The following TLL2 variants were observed in gnomAD, a reference collection of about 807,000 sequenced individuals.
The protein encoded by TLL2 is tolloid like 2, also known as tolloid-like protein 2.
In TLL2, 106 loss-of-function variants were observed where a neutral mutation model predicts 123.0. The ratio of observed to expected loss-of-function variants is 0.86; its 90% CI spans 0.74 to 1.01. The LOEUF is 1.01. Among genes scored for constraint, TLL2 ranks in the 50% least tolerant of loss-of-function variants. TLL2 has a pLI of 0.00. For synonymous variants in TLL2, 494 were observed against 516.8 expected (o/e 0.96, Z 0.60); for missense variants, 1,332 against 1,336.7 (o/e 1.00, Z 0.06).
In TLL2 at chr10:96,428,690, C is replaced by T; in HGVS notation, c.579G>A (p.Val193=). 1 of 1,614,090 alleles carries T rather than the reference C, an allele frequency of 6.2e-7. No individual in the cohort carries two copies. The highest frequency in any genetic ancestry group is 8.5e-7 in the Non-Finnish European group (1 of 1,179,972). The change falls in exon 5 of 21, where the codon GTG becomes GTA. Residue 193 remains valine (V), a synonymous_variant. Coordinates refer to ENST00000357947, the MANE Select transcript of TLL2 (RefSeq NM_012465.4). The stretch of plus-strand genomic sequence containing the variant: ...CCTCATCCGTCCTTTCTATGAAGGT[C>T]ACACAGGTGTGCTTCTCCCAGTGTC... The part of the protein sequence containing the change: ...AMRHWEKHTC[V]TFIERTDEES...
At chr10:96,371,950 C>T (rs1322733662) in intron 19 of TLL2, among the ~76,000 whole-genome samples, 2 of 152,222 alleles carry the variant, frequency 1.3e-5, no homozygotes, top group African/African-American at 4.8e-5. Flanking sequence ...CTCCTCTCAT[C>T]CTCTGGGCCT....
At chr10:96,454,061 C>A (rs1053954606) in intron 2 of TLL2, among the ~76,000 whole-genome samples, 11 of 151,958 alleles carry the variant, frequency 7.2e-5, no homozygotes, top group Non-Finnish European at 1.6e-4. Context: ...GTCAGGGAAA[C>A]CTTTTTCTGA....
At chr10:96,494,362 C>G (rs1191458546) in intron 1 of TLL2, among the ~76,000 whole-genome samples, 1 of 152,250 alleles carries the variant, frequency 6.6e-6, no homozygotes, top group African/African-American at 2.4e-5. Flanking sequence ...AGACTCTGTT[C>G]CCTGGCTCTC....
intron 4 of TLL2, among the ~76,000 whole-genome samples, chr10:96,429,976 G>A (rs1365720345): frequency 6.6e-6 from 1 of 152,174 alleles, no homozygotes; most frequent in Non-Finnish European, 1.5e-5. Context: ...GAAGGATCTA[G>A]GAAAAAATAG....
chr10:96,388,982 A>G (rs1330016773), intron 13 of TLL2, among the ~76,000 whole-genome samples: 4 of 152,238 alleles, frequency 2.6e-5, no homozygotes, highest in Admixed American at 6.5e-5. Flanking sequence ...CGCCTCAAAT[A>G]AATGTAAGTA....
At chr10:96,419,453 C>T (rs1298013419) in intron 7 of TLL2, among the ~76,000 whole-genome samples, 2 of 151,526 alleles carry the variant, frequency 1.3e-5, no homozygotes, top group Non-Finnish European at 2.9e-5. Flanking sequence ...GACTAGAACC[C>T]GGCTTCTGCC....
chr10:96,476,216 T>TTTTATATATATATATA (rs1705943796), intron 2 of TLL2, among the ~76,000 whole-genome samples: 1 of 33,334 alleles, frequency 3.0e-5, no homozygotes, highest in Non-Finnish European at 6.4e-5. Context: ...CTTTTTAATT[T>TTTTATATATATATATA]TATATGTATA....
intron 2 of TLL2, among the ~76,000 whole-genome samples, chr10:96,451,116 T>A (rs1048496564): frequency 2.0e-5 from 3 of 152,180 alleles, no homozygotes; most frequent in South Asian, 4.1e-4. Flanking sequence ...CCGGCTGAAA[T>A]GTTTCTATCC....
intron 3 of TLL2, among the ~76,000 whole-genome samples, 192 bp from the exon 4 acceptor site, chr10:96,433,154 T>A (rs1846762167): frequency 6.6e-6 from 1 of 152,186 alleles, no homozygotes; most frequent in Non-Finnish European, 1.5e-5. Flanking sequence ...GTAGTAAATG[T>A]ACCGGGCTAT....
intron 2 of TLL2, among the ~76,000 whole-genome samples, chr10:96,466,818 T>G (rs1056206110): frequency 6.6e-6 from 1 of 152,156 alleles, no homozygotes; most frequent in Admixed American, 6.6e-5. Context: ...GCAGACACCA[T>G]GTATCCAGTC....
chr10:96,449,624 C>A (rs544446016), intron 2 of TLL2, among the ~76,000 whole-genome samples: 22 of 152,324 alleles, frequency 1.4e-4, no homozygotes, highest in South Asian at 6.2e-4. Flanking sequence ...ATGGCTCCCC[C>A]CTGCCCTTGG....
At chr10:96,471,884 G>GC (rs1432948176) in intron 2 of TLL2, among the ~76,000 whole-genome samples, 1 of 152,142 alleles carries the variant, frequency 6.6e-6, no homozygotes, top group Admixed American at 6.5e-5. Context: ...AAAACTGCAA[G>GC]CACGATTGTG....
intron 3 of TLL2, among the ~76,000 whole-genome samples, chr10:96,433,602 A>G (rs1015315834): frequency 9.2e-5 from 14 of 152,166 alleles, no homozygotes; most frequent in African/African-American, 3.4e-4. Flanking sequence ...AAATCCATGG[A>G]CACCAGTCAC....
At position 96,422,540 on chromosome 10, in the gene TLL2, C is replaced by T; in HGVS notation, c.817+9G>A. ...CGGTGCCTTCCAGACTCCACACAGG[C>T]CTCCTTACCTGGCTGGATGTTTTCC... On this transcript the variant is annotated intron_variant, in intron 6 of 20. Transcript: ENST00000357947. 6.2e-7 allele frequency: 1 copy of T among 1,613,884 alleles called. No homozygotes were observed. The highest frequency in any genetic ancestry group is 8.5e-7 in the Non-Finnish European group (1 of 1,179,968).
chr10:96,486,150 T>G (rs12257958), intron 1 of TLL2, among the ~76,000 whole-genome samples: 15,149 of 152,270 alleles, frequency 0.099, 816 homozygotes, highest in Non-Finnish European at 0.12. Flanking sequence ...GTTTAAATAC[T>G]TATTTTGCTC....
At chr10:96,448,300 C>A (rs1374205443) in intron 2 of TLL2, among the ~76,000 whole-genome samples, 1 of 152,198 alleles carries the variant, frequency 6.6e-6, no homozygotes, top group African/African-American at 2.4e-5. Context: ...TCCTCTCGGG[C>A]TAAAGGTCAG....
In TLL2 at chr10:96,374,067, G is replaced by C. The variant is rs868144308; in HGVS notation, c.2449-258C>G. The C allele has an allele frequency of 9.9e-5, 47 of 476,620 alleles. 1 individual carries two copies. Among genetic ancestry groups the C allele is most frequent in the African/African-American group, 8.0e-4 (41 of 51,344 alleles). The allele number at this position is 476,620 out of a possible 1,614,324, so 29.5% of individuals were successfully genotyped here. On this transcript the variant is annotated intron_variant, in intron 18 of 20. Coordinates refer to ENST00000357947, the MANE Select transcript of TLL2 (RefSeq NM_012465.4). ...GCTACAATGACCACACTGCAGATGA[G>C]AGAGCAGGGGTTCAGAGATTAAATG... is the stretch of plus-strand genomic sequence containing the variant.
Position 96,386,217 on chromosome 10 carries a change from T to C in TLL2, c.1853-2A>G. ...TGGTAATGAAACCGCCACAGGCCAC[T>C]GCACGGGGGAAACAGAAACAGGATT... On this transcript the variant is annotated splice_acceptor_variant, in intron 14 of 20. Coordinates refer to ENST00000357947, the MANE Select transcript of TLL2 (RefSeq NM_012465.4). LOFTEE classifies it high-confidence loss of function. 5.7e-6 allele frequency: 9 copies of C among 1,569,558 alleles called. No individual in the cohort carries two copies. Among genetic ancestry groups the C allele is most frequent in the Non-Finnish European group, 7.8e-6 (9 of 1,157,580 alleles).
intron 5 of TLL2, among the ~76,000 whole-genome samples, chr10:96,425,133 A>G (rs1362983722): frequency 6.6e-6 from 1 of 150,992 alleles, no homozygotes; most frequent in Non-Finnish European, 1.5e-5. Flanking sequence ...TTCATTTTGG[A>G]CCCTTTTTTG....
Sources: gnomAD v4.1 joint callset for allele counts (sites outside exome capture counted in the v4.1 genomes callset) on GRCh38, gnomAD v4.1.1 for gene constraint, MANE v1.5 for transcripts, NCBI Gene and HGNC (gene_info 2026-07-23, HGNC 2026-07-21) for gene names.